Variants in SLC37A1 observed in about 807,000 individuals in gnomAD.
The protein encoded by SLC37A1 is glucose-6-phosphate exchanger SLC37A1.
SLC37A1 carries 49 observed loss-of-function variants against 75.3 expected under a neutral mutation model. The observed-to-expected ratio is 0.65, with a 90% confidence interval of 0.52 to 0.83. The LOEUF (loss-of-function observed/expected upper bound fraction) is 0.83, where lower values mean the gene tolerates loss of function less well. Among genes scored for constraint, SLC37A1 ranks in the 40% least tolerant of loss-of-function variants. The probability of loss-of-function intolerance (pLI) is 0.00; values close to 1 mark genes in which losing one functional copy is unlikely to be tolerated. For missense variants in SLC37A1, 566 were observed against 695.0 expected (o/e 0.81, Z 2.09); for synonymous variants, 268 against 292.1 (o/e 0.92, Z 0.84).
intron 10 of SLC37A1, among the ~76,000 whole-genome samples, chr21:42,558,601 CT>C (rs1012710179): frequency 6.6e-6 from 1 of 152,000 alleles, no homozygotes; most frequent in African/African-American, 2.4e-5. Context: ...ATCTCCCAAC[CT>C]TTTTTTTACA....
Position 42,565,992 on chromosome 21 carries a change from G to A in SLC37A1, c.1270+117G>A, listed in dbSNP as rs552765953. The A allele has an allele frequency of 8.7e-6, 9 of 1,038,530 alleles. No homozygotes were observed. The East Asian group carries it at 1.7e-4, about 20-fold the overall frequency. The allele number at this position is 1,038,530 out of a possible 1,614,324, so 64.3% of individuals were successfully genotyped here. On this transcript the variant is annotated intron_variant, in intron 15 of 19. Coordinates refer to ENST00000352133, the MANE Select transcript of SLC37A1 (RefSeq NM_001320537.2). ...TGAGCTGGTTTAACTGGAGCACATG[G>A]TGTGGCTAAAATTGTCCGTGTCCTC...
At chr21:42,528,280 A>G (rs1213293993) in intron 3 of SLC37A1, among the ~76,000 whole-genome samples, 1 of 152,180 alleles carries the variant, frequency 6.6e-6, no homozygotes, top group African/African-American at 2.4e-5. Context: ...TGTCCCTTCT[A>G]TCTGCTGCTC....
chr21:42,566,944 G>T, intron 15 of SLC37A1, 41 bp from the exon 16 acceptor site: 1 of 1,588,388 alleles, frequency 6.3e-7, no homozygotes. Flanking sequence ...GGGGCTCTCT[G>T]GAGGGCACAT....
At chr21:42,565,773 C>T in intron 14 of SLC37A1, 54 bp from the exon 15 acceptor site, 1 of 1,540,554 alleles carries the variant, frequency 6.5e-7, no homozygotes, top group Non-Finnish European at 9.0e-7. Context: ...TTCCAGCAAT[C>T]TCGCACTGCT....
intron 1 of SLC37A1, among the ~76,000 whole-genome samples, chr21:42,501,251 T>C (rs1177954926): frequency 6.6e-6 from 1 of 152,262 alleles, no homozygotes; most frequent in Non-Finnish European, 1.5e-5. Context: ...TTTCTTGTTT[T>C]TTTATTCTTA....
At chr21:42,506,589 G>A (rs953142564) in intron 2 of SLC37A1, among the ~76,000 whole-genome samples, 31 of 152,184 alleles carry the variant, frequency 2.0e-4, no homozygotes, top group Admixed American at 9.2e-4. Context: ...GAATAAAACC[G>A]GTTAAAAAAT....
chr21:42,551,942 G>C (rs376918305), intron 9 of SLC37A1, among the ~76,000 whole-genome samples: 24 of 152,144 alleles, frequency 1.6e-4, no homozygotes, highest in African/African-American at 5.8e-4. Context: ...CCTTGTACCT[G>C]GGGTGTGTTT....
At chr21:42,505,636 C>T (rs1158816778) in intron 2 of SLC37A1, among the ~76,000 whole-genome samples, 1 of 152,188 alleles carries the variant, frequency 6.6e-6, no homozygotes, top group Non-Finnish European at 1.5e-5. Flanking sequence ...AGGGAGCCCA[C>T]CAAGCTTCAA....
At position 42,563,864 on chromosome 21, in the gene SLC37A1, G is replaced by T. The variant is rs918623905; in HGVS notation, c.1122G>T (p.Val374=). 5 of 1,614,148 alleles carry T rather than the reference G, an allele frequency of 3.1e-6. No individual in the cohort carries two copies. The highest frequency in any genetic ancestry group is 3.3e-5 in the Admixed American group (2 of 60,030). Residue 374 remains valine, a synonymous_variant, in exon 13 of 20, where the codon GTG becomes GTT. Coordinates refer to ENST00000352133, the MANE Select transcript of SLC37A1 (RefSeq NM_001320537.2). ...KAGELSTLFD[V]GGIFGGILAG... is the part of the protein sequence containing the mutation. ...GGGAGCTCTCCACCCTGTTTGACGT[G>T]GGCGGAATCTTTGGTGAGTTCATTA...
At chr21:42,578,329 G>T (rs77502855) in intron 18 of SLC37A1, among the ~76,000 whole-genome samples, 10 of 152,210 alleles carry the variant, frequency 6.6e-5, no homozygotes, top group African/African-American at 2.4e-4. Flanking sequence ...AGCCAAACAC[G>T]TGGGCATGTT....
At chr21:42,546,855 G>C (rs750611933) in intron 8 of SLC37A1, among the ~76,000 whole-genome samples, 8 of 152,234 alleles carry the variant, frequency 5.3e-5, no homozygotes, top group Non-Finnish European at 1.2e-4. Flanking sequence ...TGGTGTTACA[G>C]ATACATAGAG....
At chr21:42,566,791 C>T (rs1368238128) in intron 15 of SLC37A1, among the ~76,000 whole-genome samples, 194 bp from the exon 16 acceptor site, 1 of 152,202 alleles carries the variant, frequency 6.6e-6, no homozygotes, top group Non-Finnish European at 1.5e-5. Flanking sequence ...CAGCTGCTGC[C>T]CTTCGAGGGT....
intron 5 of SLC37A1, among the ~76,000 whole-genome samples, chr21:42,536,018 T>TGCCCAGCTTG (rs1344416539): frequency 1.3e-5 from 2 of 152,226 alleles, no homozygotes; most frequent in Non-Finnish European, 2.9e-5. Context: ...TCTACCTGGA[T>TGCCCAGCTTG]GCCCAGCTTG....
At position 42,565,813 on chromosome 21, in the gene SLC37A1, C is replaced by T. The variant is rs770291727; in HGVS notation, c.1222-14C>T. ...GCCAGCCATGGCTTTGACCTTGTGT[C>T]TTGATGTCCACAGCTCTACATCTTC... On this transcript the variant is annotated splice_polypyrimidine_tract_variant and intron_variant, in intron 14 of 19. Coordinates refer to ENST00000352133, the MANE Select transcript of SLC37A1 (RefSeq NM_001320537.2). 1.2e-6 allele frequency: 2 copies of T among 1,613,482 alleles called. No individual in the cohort carries two copies. The highest frequency in any genetic ancestry group is 2.2e-5 in the South Asian group (2 of 91,042).
chr21:42,507,729 G>T (rs1344501121), intron 2 of SLC37A1, among the ~76,000 whole-genome samples: 1 of 152,152 alleles, frequency 6.6e-6, no homozygotes, highest in African/African-American at 2.4e-5. Context: ...GAGAGGGGAA[G>T]GAAGAGAGAG....
chr21:42,572,169 T>C lies in SLC37A1; in HGVS notation c.1424-2649T>C, dbSNP rs938431970. ...CAGAACCCCCGTCTTCCAGCCTCCA[T>C]TGCTGTCACTGACACGTTCACAGAC... On this transcript the variant is annotated intron_variant, in intron 17 of 19. Transcript: ENST00000352133. 3.3e-5 allele frequency among the ~76,000 whole-genome samples: 5 copies of C among 152,184 alleles called. No individual in the cohort carries two copies. In the East Asian group the frequency reaches 5.8e-4, roughly 18 times the overall value.
chr21:42,537,698 T>A (rs747586202), intron 5 of SLC37A1, among the ~76,000 whole-genome samples: 1 of 152,240 alleles, frequency 6.6e-6, no homozygotes, highest in Non-Finnish European at 1.5e-5. Flanking sequence ...CTGCTTTAAG[T>A]AAATAAACTG....
At chr21:42,524,114 G>C (rs1291126904) in intron 2 of SLC37A1, among the ~76,000 whole-genome samples, 1 of 152,056 alleles carries the variant, frequency 6.6e-6, no homozygotes, top group Non-Finnish European at 1.5e-5. Context: ...GTCCTGTGTA[G>C]GACGCCGCCT....
intron 5 of SLC37A1, 109 bp from the exon 6 acceptor site, chr21:42,539,403 C>A: frequency 7.7e-7 from 1 of 1,303,834 alleles, no homozygotes; most frequent in Non-Finnish European, 1.0e-6. Context: ...TTGAGAGTTC[C>A]CCAAGCTCAG....
Sources: allele counts gnomAD v4.1 joint callset (sites outside exome capture counted in the v4.1 genomes callset), GRCh38; gene constraint gnomAD v4.1.1; transcripts MANE v1.5; gene names NCBI Gene and HGNC (gene_info 2026-07-23, HGNC 2026-07-21).